SLIT2: variants seen among roughly 807,000 people sequenced by gnomAD.
The protein encoded by SLIT2 is slit guidance ligand 2.
Under a neutral mutation model 185.7 loss-of-function variants are expected in SLIT2, and 41 were observed. The ratio of observed to expected loss-of-function variants is 0.22; its 90% CI spans 0.17 to 0.29. The LOEUF is 0.29. Ranked by LOEUF, SLIT2 falls within the 10% of genes least tolerant of loss-of-function variation. The pLI is 1.00. For missense variants in SLIT2, 1,571 were observed against 1,909.0 expected, an observed-to-expected ratio of 0.82 and a Z score of 3.30; for synonymous variants, 693 against 680.2, an observed-to-expected ratio of 1.02 and a Z score of -0.29.
At chr4:20,468,739 T>C (rs1714639997) in intron 5 of SLIT2, among the ~76,000 whole-genome samples, 1 of 152,132 alleles carries the variant, frequency 6.6e-6, no homozygotes. Flanking sequence ...AGCCCCTGTA[T>C]GCTGAGATTA....
At chr4:20,615,170 G>A (rs1729556507) in intron 34 of SLIT2, 1 of 152,184 alleles carries the variant, frequency 6.6e-6, no homozygotes, top group African/African-American at 2.4e-5. Context: ...TATGATGGAT[G>A]GATATGGTTA....
intron 5 of SLIT2, among the ~76,000 whole-genome samples, chr4:20,480,216 A>G (rs1161943506): frequency 6.6e-6 from 1 of 152,148 alleles, no homozygotes; most frequent in Non-Finnish European, 1.5e-5. Context: ...GGAGTCCTTG[A>G]AGGAAAACTG....
intron 4 of SLIT2, among the ~76,000 whole-genome samples, chr4:20,410,387 T>A (rs532208717): frequency 6.6e-6 from 1 of 151,492 alleles, no homozygotes; most frequent in East Asian, 1.9e-4. Flanking sequence ...TAGCTGGGAT[T>A]ACAGGTGCCT....
chr4:20,325,351 CA>C (rs142651668), intron 4 of SLIT2, among the ~76,000 whole-genome samples: 12,036 of 130,002 alleles, frequency 0.093, 574 homozygotes, highest in South Asian at 0.17. Context: ...CACCTGTGGC[CA>C]ATGGCAAGAT....
intron 4 of SLIT2, among the ~76,000 whole-genome samples, chr4:20,283,377 T>TGTA (rs1714976486): frequency 1.3e-5 from 2 of 152,164 alleles, no homozygotes; most frequent in Non-Finnish European, 2.9e-5. Context: ...TTATGTACAA[T>TGTA]TTGGAGATGA....
rs60691515 is a variant in SLIT2, at chr4:20,472,564, C to CGATATATCTATATATCGA, written c.467+4741_467+4742insGATATATCTATATATCGA. ...TCTATATCTATATATAGATATATAT[C>CGATATATCTATATATCGA]TATATATAGATATATCTATATATAG... On this transcript the variant is annotated intron_variant, in intron 5 of 36. Coordinates refer to ENST00000504154, the MANE Select transcript of SLIT2 (RefSeq NM_004787.4). Among the ~76,000 whole-genome samples, 2 of 4,662 alleles carry CGATATATCTATATATCGA rather than the reference C, an allele frequency of 4.3e-4. 1 individual carries two copies. The highest frequency in any genetic ancestry group is 6.2e-4 in the Non-Finnish European group (2 of 3,232). 3.1% of individuals were successfully genotyped at this position (4,662 alleles called of 152,430 possible). A position where few individuals can be genotyped will look rare whatever the true frequency, so the allele number is the denominator to read the frequency against.
chr4:20,287,712 G>A (rs909471729), intron 4 of SLIT2, among the ~76,000 whole-genome samples: 3 of 152,098 alleles, frequency 2.0e-5, no homozygotes, highest in African/African-American at 7.2e-5. Flanking sequence ...ATCATATAGT[G>A]AGTATATCCC....
intron 4 of SLIT2, among the ~76,000 whole-genome samples, chr4:20,404,265 A>G (rs1468118649): frequency 6.6e-6 from 1 of 151,984 alleles, no homozygotes; most frequent in Non-Finnish European, 1.5e-5. Flanking sequence ...GCTATGATTT[A>G]AACGTCCCCT....
intron 18 of SLIT2, among the ~76,000 whole-genome samples, chr4:20,538,743 G>A (rs1332137348): frequency 7.1e-6 from 1 of 140,656 alleles, no homozygotes; most frequent in Non-Finnish European, 1.5e-5. Context: ...CAGTAACAAG[G>A]AAATGACAAT....
intron 4 of SLIT2, among the ~76,000 whole-genome samples, chr4:20,385,449 T>C (rs1724861881): frequency 6.6e-6 from 1 of 152,102 alleles, no homozygotes; most frequent in Admixed American, 6.6e-5. Context: ...AATATATCAG[T>C]GATGTCCTCA....
chr4:20,329,457 T>G (rs1719883041), intron 4 of SLIT2, among the ~76,000 whole-genome samples: 1 of 152,164 alleles, frequency 6.6e-6, no homozygotes, highest in South Asian at 2.1e-4. Flanking sequence ...CACAGGTGTT[T>G]GTTGAGAGTG....
rs759844790 is a variant in SLIT2 at position 20,515,265 on chromosome 4, G to A, written c.1059-4117G>A. Among the ~76,000 whole-genome samples, 2 of 152,140 alleles carry A rather than the reference G, an allele frequency of 1.3e-5. 1 individual carries two copies. The highest frequency in any genetic ancestry group is 1.3e-4 in the Admixed American group (2 of 15,272). On this transcript the variant is annotated intron_variant, in intron 11 of 36. Coordinates refer to ENST00000504154, the MANE Select transcript of SLIT2 (RefSeq NM_004787.4). ...CGGAGTAAACATCAAGAAATAATAT[G>A]TATGGCCATGGCAAATTCATCTCTT...
chr4:20,487,252 A>G (rs528618408), intron 7 of SLIT2, among the ~76,000 whole-genome samples: 2 of 152,276 alleles, frequency 1.3e-5, no homozygotes, highest in East Asian at 1.9e-4. Flanking sequence ...AAGGAATTCT[A>G]CAAGTATACA....
chr4:20,576,978 GT>G (rs35122445), intron 29 of SLIT2, among the ~76,000 whole-genome samples: 2,027 of 146,338 alleles, frequency 0.014, 43 homozygotes, highest in South Asian at 0.064. Context: ...GGAGAGGTAA[GT>G]TTTTTTTTTT....
intron 4 of SLIT2, among the ~76,000 whole-genome samples, chr4:20,282,559 A>G (rs1714875715): frequency 6.6e-6 from 1 of 152,182 alleles, no homozygotes; most frequent in Non-Finnish European, 1.5e-5. Context: ...TGATACCTCC[A>G]GTGTGCACTC....
chr4:20,455,298 A>C (rs567213296), intron 4 of SLIT2, among the ~76,000 whole-genome samples: 1 of 152,142 alleles, frequency 6.6e-6, no homozygotes, highest in Non-Finnish European at 1.5e-5. Flanking sequence ...ATATAATCTA[A>C]TGTCTAGAGG....
intron 26 of SLIT2, among the ~76,000 whole-genome samples, chr4:20,565,938 C>T (rs1222910354): frequency 1.3e-5 from 2 of 152,028 alleles, no homozygotes. Flanking sequence ...GCTAGTATTT[C>T]CCAGGGTAAA....
In SLIT2 at chr4:20,617,120, G is replaced by T. The variant is rs146014124; in HGVS notation, c.4058G>T (p.Gly1353Val). ...HGTCQPSSQA[G>V]FTCECQEGWM... The stretch of plus-strand genomic sequence containing the variant: ...ACATGCCAGCCCAGCAGCCAGGCAG[G>T]CTTCACCTGCGAGTGCCAGGAAGGA... The change falls in exon 35 of 37, where the codon GGC becomes GTC. Residue 1353 changes from glycine to valine, a missense_variant. By Grantham distance (109) the Gly-to-Val change is moderately radical. Transcript: ENST00000504154. 22 of 1,610,536 alleles carry T rather than the reference G, an allele frequency of 1.4e-5. No homozygotes were observed. The highest frequency in any genetic ancestry group is 6.7e-5 in the East Asian group (3 of 44,748).
In SLIT2 at chr4:20,253,778, G is replaced by GC. The variant is rs762911431; in HGVS notation, c.-33dup. 4 of 1,591,092 alleles carry GC rather than the reference G, an allele frequency of 2.5e-6. No homozygotes were observed. The South Asian group carries it at 3.3e-5, about 13-fold the overall frequency. On this transcript the variant is annotated 5_prime_UTR_variant, in exon 1 of 37. Coordinates refer to ENST00000504154, the MANE Select transcript of SLIT2 (RefSeq NM_004787.4). ...CCCTCGGAGCAGCAAGCTAAAGAAA[G>GC]CCCCCAGTGCCGGCGAGGAAGGAGG...
Sources: allele counts gnomAD v4.1 joint callset (sites outside exome capture counted in the v4.1 genomes callset), GRCh38; gene constraint gnomAD v4.1.1; transcripts MANE v1.5; gene names NCBI Gene and HGNC (gene_info 2026-07-23, HGNC 2026-07-21).